The following HDDC2 variants were observed in gnomAD, a reference collection of about 807,000 sequenced individuals.
The protein encoded by HDDC2 is 5'-deoxynucleotidase HDDC2.
Under a neutral mutation model 25.5 loss-of-function variants are expected in HDDC2, and 25 were observed. The observed-to-expected ratio is 0.98, with a 90% CI of 0.72 to 1.37. HDDC2 has a LOEUF of 1.37. Among genes scored for constraint, HDDC2 ranks in the 40% most tolerant of loss-of-function variants. HDDC2 has a pLI of 0.00. For missense variants in HDDC2, 264 were observed against 253.1 expected (o/e 1.04, Z -0.29); for synonymous variants, 106 against 89.7 (o/e 1.18, Z -1.03).
intron 4 of HDDC2, among the ~76,000 whole-genome samples, chr6:125,285,483 G>A (rs1330717781): frequency 6.6e-6 from 1 of 152,006 alleles, no homozygotes; most frequent in Non-Finnish European, 1.5e-5. Flanking sequence ...GAAATGGAAA[G>A]TTTAAAAGTT....
In HDDC2 at chr6:125,301,832, G is replaced by C. The variant is rs940426072; in HGVS notation, c.84+17C>G. On this transcript the variant is annotated intron_variant, in intron 1 of 5. Transcript: ENST00000398153. ...CCGCCCGCTCGGCCGCGGCCTCCCG[G>C]CCTGGTGCCCGCTCACCTTGAGCTG... 1.3e-6 allele frequency: 2 copies of C among 1,533,900 alleles called. No individual in the cohort carries two copies. Among genetic ancestry groups the C allele is most frequent in the Non-Finnish European group, 1.8e-6 (2 of 1,140,968 alleles).
rs1333735487 is a variant in HDDC2 at position 125,277,101 on chromosome 6, C to T, written c.517+1G>A. 6.2e-7 allele frequency: 1 copy of T among 1,613,890 alleles called. No homozygotes were observed. The highest frequency in any genetic ancestry group is 1.1e-5 in the South Asian group (1 of 91,022). ...CTCTTGTTGAAAATGGTGTTGAGTACCTGCTGTGGAATCATAGAAGTCTTG... is the reference window on the plus strand; with the variant it reads ...CTCTTGTTGAAAATGGTGTTGAGTATCTGCTGTGGAATCATAGAAGTCTTG... On this transcript the variant is annotated splice_donor_variant, in intron 5 of 5. Coordinates refer to ENST00000398153, the MANE Select transcript of HDDC2 (RefSeq NM_016063.3). LOFTEE classifies it high-confidence loss of function.
chr6:125,294,001 C>CTTCT (rs1798668210), intron 3 of HDDC2, among the ~76,000 whole-genome samples: 1 of 152,120 alleles, frequency 6.6e-6, no homozygotes, highest in African/African-American at 2.4e-5. Context: ...CAGGAGCTAC[C>CTTCT]CTTATCCTCC....
intron 4 of HDDC2, 48 bp downstream of exon 4, chr6:125,292,793 A>G (rs772832760): frequency 1.4e-6 from 2 of 1,384,548 alleles, no homozygotes; most frequent in African/African-American, 2.8e-5. Flanking sequence ...AGGGAGCCAT[A>G]TAAATTCAGA....
At chr6:125,284,047 G>A (rs1257959999) in intron 4 of HDDC2, among the ~76,000 whole-genome samples, 1 of 152,022 alleles carries the variant, frequency 6.6e-6, no homozygotes, top group Non-Finnish European at 1.5e-5. Context: ...TGACAAACCT[G>A]ACAAAAAACA....
intron 4 of HDDC2, 159 bp from the exon 5 acceptor site, chr6:125,277,399 T>A (rs887368582): frequency 1.2e-5 from 8 of 642,422 alleles, no homozygotes; most frequent in Non-Finnish European, 2.1e-5. Flanking sequence ...GAGACACTTC[T>A]GTAATTTCAC....
chr6:125,288,151 A>G lies in HDDC2; in HGVS notation c.378+4690T>C, dbSNP rs547091250. On this transcript the variant is annotated intron_variant, in intron 4 of 5. Coordinates refer to ENST00000398153, the MANE Select transcript of HDDC2 (RefSeq NM_016063.3). ...CTTCTAAAAAGCTGGAGAACTTCCT[A>G]TCTGACAGTGTCTATGTTCTCAAAG... 1.2e-4 allele frequency among the ~76,000 whole-genome samples: 18 copies of G among 152,360 alleles called. No homozygotes were observed. In the South Asian group the frequency reaches 3.7e-3, roughly 32 times the overall value.
intron 4 of HDDC2, chr6:125,278,343 T>C (rs1487366033): frequency 7.9e-5 from 12 of 152,184 alleles, no homozygotes; most frequent in Non-Finnish European, 2.9e-5. Context: ...TAAATTCAAG[T>C]TCATGATTTC....
At chr6:125,298,928 G>A (rs1471492327) in intron 2 of HDDC2, 112 bp from the exon 3 acceptor site, 5 of 650,838 alleles carry the variant, frequency 7.7e-6, no homozygotes, top group Non-Finnish European at 1.0e-5. Context: ...CACCCTCACA[G>A]AGTATTTTAA....
chr6:125,280,190 G>A (rs531310675), intron 4 of HDDC2, among the ~76,000 whole-genome samples: 3 of 152,314 alleles, frequency 2.0e-5, no homozygotes, highest in Non-Finnish European at 2.9e-5. Context: ...TGTGCTGTGA[G>A]GAAGGGTGCA....
chr6:125,300,754 G>T, intron 1 of HDDC2, 95 bp from the exon 2 acceptor site: 1 of 1,244,150 alleles, frequency 8.0e-7, no homozygotes, highest in African/African-American at 1.5e-5. Flanking sequence ...ACACACAGAA[G>T]CCGGGTCATA....
intron 4 of HDDC2, among the ~76,000 whole-genome samples, chr6:125,281,030 T>C (rs1166660484): frequency 6.6e-6 from 1 of 152,196 alleles, no homozygotes; most frequent in Non-Finnish European, 1.5e-5. Flanking sequence ...TCTTTGCTGT[T>C]CTGCAGCCTC....
chr6:125,291,471 C>T (rs1390952648), intron 4 of HDDC2, among the ~76,000 whole-genome samples: 1 of 152,076 alleles, frequency 6.6e-6, no homozygotes, highest in Non-Finnish European at 1.5e-5. Context: ...ACTCAGTTGC[C>T]GGATGAAGAT....
intron 4 of HDDC2, among the ~76,000 whole-genome samples, chr6:125,290,681 T>C (rs932693163): frequency 6.6e-6 from 1 of 152,204 alleles, no homozygotes; most frequent in African/African-American, 2.4e-5. Context: ...TGGAGTGATG[T>C]GTCTGCGAAC....
intron 4 of HDDC2, chr6:125,277,796 G>C (rs538030579): frequency 6.6e-6 from 1 of 152,418 alleles, no homozygotes; most frequent in East Asian, 1.9e-4. Flanking sequence ...TGAGGATAGA[G>C]CCAAGATCTG....
rs904065997 is a variant in HDDC2, at chr6:125,301,883, A to G, written c.50T>C (p.Leu17Pro). ...ATFSGHGARS[L>P]LQFLRLVGQL... is the part of the protein sequence containing the mutation. Reference sequence around the variant, plus strand: ...CCCTACCAGCCGCAGGAACTGCAGTAGGGACCGAGCCCCGTGGCCCGAGAA... The same window carrying G: ...CCCTACCAGCCGCAGGAACTGCAGTGGGGACCGAGCCCCGTGGCCCGAGAA... Residue 17 changes from leucine to proline, a missense_variant, in exon 1 of 6, where the codon CTA (leucine) becomes CCA (proline). Physicochemically the swap from Leu to Pro is moderately conservative, Grantham distance 98. Coordinates refer to ENST00000398153, the MANE Select transcript of HDDC2 (RefSeq NM_016063.3). 6.4e-7 allele frequency: 1 copy of G among 1,551,092 alleles called. No individual in the cohort carries two copies. The highest frequency in any genetic ancestry group is 8.7e-7 in the Non-Finnish European group (1 of 1,149,164).
chr6:125,288,661 G>C (rs1280349708), intron 4 of HDDC2, among the ~76,000 whole-genome samples: 4 of 150,924 alleles, frequency 2.7e-5, no homozygotes, highest in Non-Finnish European at 5.9e-5. Context: ...CCATCAAAAA[G>C]TGGGCGAAGG....
chr6:125,291,948 C>T (rs909653066), intron 4 of HDDC2, among the ~76,000 whole-genome samples: 8 of 152,138 alleles, frequency 5.3e-5, no homozygotes, highest in Admixed American at 5.2e-4. Flanking sequence ...AGACAAGGGA[C>T]AACCTGACCC....
chr6:125,276,282 T>C (rs1268093057), intron 5 of HDDC2, 39 bp from the exon 6 acceptor site: 3 of 1,445,154 alleles, frequency 2.1e-6, no homozygotes, highest in Admixed American at 1.7e-5. Context: ...CATTCCCATA[T>C]TGACAAGAGA....
Sources: gnomAD v4.1 joint callset for allele counts (sites outside exome capture counted in the v4.1 genomes callset) on GRCh38, gnomAD v4.1.1 for gene constraint, MANE v1.5 for transcripts, NCBI Gene and HGNC (gene_info 2026-07-23, HGNC 2026-07-21) for gene names.